LCMT1: variants seen among roughly 807,000 people sequenced by gnomAD.
LCMT1 encodes leucine carboxyl methyltransferase 1, also known as [Phosphatase 2A protein]-leucine-carboxy methyltransferase 1.
LCMT1 carries 32 observed loss-of-function variants against 47.7 expected under a neutral mutation model. The ratio of observed to expected loss-of-function variants is 0.67; its 90% CI spans 0.51 to 0.90. The LOEUF is 0.90. LCMT1 is among the 40% of genes least tolerant of loss of function. LCMT1 has a pLI of 0.00. For synonymous variants in LCMT1, 152 were observed against 149.7 expected, an observed-to-expected ratio of 1.02 and a Z score of -0.11; for missense variants, 375 against 415.2, an observed-to-expected ratio of 0.90 and a Z score of 0.84.
Position 25,169,165 on chromosome 16 carries a change from C to A in LCMT1, c.744C>A (p.Arg248=), listed in dbSNP as rs769159123. 6.2e-7 allele frequency: 1 copy of A among 1,613,606 alleles called. No individual in the cohort carries two copies. The highest frequency in any genetic ancestry group is 1.1e-5 in the South Asian group (1 of 91,072). ...GQIMIENLRR[R]QCDLAGVETC... ...TCATGATTGAAAACCTGCGGAGACG[C>A]CAGTGTGACCTGGCGGGAGTGGAGA... Residue 248 remains arginine (R), a synonymous_variant, in exon 8 of 11, where the codon CGC becomes CGA. Transcript: ENST00000399069.
chr16:25,164,789 T>A, intron 7 of LCMT1, 71 bp downstream of exon 7: 1 of 1,594,250 alleles, frequency 6.3e-7, no homozygotes, highest in Non-Finnish European at 8.6e-7. Context: ...CCAGCACCCT[T>A]AGGATAACTT....
intron 8 of LCMT1, 88 bp from the exon 9 acceptor site, chr16:25,170,626 T>C (rs899113532): frequency 2.9e-6 from 3 of 1,042,046 alleles, no homozygotes; most frequent in Non-Finnish European, 4.4e-6. Flanking sequence ...TGAGACCTTG[T>C]CTCTTTAAAA....
chr16:25,137,093 T>G (rs1303500588), intron 3 of LCMT1, among the ~76,000 whole-genome samples: 1 of 152,132 alleles, frequency 6.6e-6, no homozygotes, highest in Non-Finnish European at 1.5e-5. Flanking sequence ...TTGTAGAAAT[T>G]GAAATTCCTA....
rs34311865 is a variant in LCMT1, at chr16:25,132,858, C to CTTTTTTTTTTT, written c.327+342_327+352dup. Among the ~76,000 whole-genome samples the CTTTTTTTTTTT allele has an allele frequency of 5.8e-3, 820 of 140,422 alleles. 17 individuals are homozygous for CTTTTTTTTTTT. Among genetic ancestry groups the CTTTTTTTTTTT allele is most frequent in the African/African-American group, 0.021 (786 of 36,840 alleles). The allele number at this position is 140,422 out of a possible 152,430, so 92.1% of individuals were successfully genotyped here. ...GGAGAGCTCATGCATGCATTTGTAA[C>CTTTTTTTTTTT]TTTTTTTTTTTTTTTTTGAGCCAGA... On this transcript the variant is annotated intron_variant, in intron 3 of 10. Coordinates refer to ENST00000399069, the MANE Select transcript of LCMT1 (RefSeq NM_016309.3).
chr16:25,128,104 T>G (rs1288351177), intron 1 of LCMT1, among the ~76,000 whole-genome samples: 1 of 152,192 alleles, frequency 6.6e-6, no homozygotes, highest in Non-Finnish European at 1.5e-5. Context: ...GCTTTTTCAT[T>G]TAGTGGAATT....
intron 5 of LCMT1, among the ~76,000 whole-genome samples, chr16:25,154,427 AT>A (rs1961176173): frequency 6.7e-6 from 1 of 148,296 alleles, no homozygotes; most frequent in Non-Finnish European, 1.5e-5. Flanking sequence ...TCCTTTTTCC[AT>A]TAGTTTGTAG....
chr16:25,158,859 T>G (rs529251528), intron 5 of LCMT1: 62 of 152,332 alleles, frequency 4.1e-4, no homozygotes, highest in African/African-American at 1.4e-3. Context: ...AGTCATCAAA[T>G]TCTATCATTC....
intron 1 of LCMT1, 26 bp from the exon 2 acceptor site, chr16:25,128,449 C>T (rs1960250967): frequency 1.9e-6 from 3 of 1,551,444 alleles, no homozygotes; most frequent in Non-Finnish European, 8.8e-7. Flanking sequence ...TCTCTACTCA[C>T]CTTCCTCCTT....
chr16:25,146,126 T>A (rs181584818), intron 4 of LCMT1: 42 of 152,390 alleles, frequency 2.8e-4, no homozygotes, highest in African/African-American at 9.9e-4. Context: ...GAAAGTAAAT[T>A]TTCTTACCTT....
At position 25,131,332 on chromosome 16, in the gene LCMT1, T is replaced by C. The variant is rs544009650; in HGVS notation, c.206-1070T>C. Among the ~76,000 whole-genome samples the C allele has an allele frequency of 2.8e-4, 42 of 152,340 alleles. No individual in the cohort carries two copies. In the South Asian group the frequency reaches 8.1e-3, roughly 29 times the overall value. On this transcript the variant is annotated intron_variant, in intron 2 of 10. Transcript: ENST00000399069. ...CCACCCCACGCCCTGGCGGCACCCC[T>C]CTCTTCTACCCTGTATTTGAACCTT... is the stretch of plus-strand genomic sequence containing the variant.
chr16:25,135,442 C>T (rs1237402503), intron 3 of LCMT1, among the ~76,000 whole-genome samples: 1 of 152,158 alleles, frequency 6.6e-6, no homozygotes, highest in Non-Finnish European at 1.5e-5. Flanking sequence ...TGTGCTTCAG[C>T]AGCCATATGA....
At chr16:25,169,342 C>G (rs917781429) in intron 8 of LCMT1, 129 bp downstream of exon 8, 3 of 628,766 alleles carry the variant, frequency 4.8e-6, no homozygotes, top group Non-Finnish European at 5.7e-6. Context: ...GCTGCTGAGC[C>G]TCCATGTGGG....
At chr16:25,134,294 G>A (rs1960441339) in intron 3 of LCMT1, among the ~76,000 whole-genome samples, 1 of 151,976 alleles carries the variant, frequency 6.6e-6, no homozygotes, top group African/African-American at 2.4e-5. Flanking sequence ...ACAGAGTGTG[G>A]GTATTTCTTT....
intron 5 of LCMT1, among the ~76,000 whole-genome samples, chr16:25,158,562 C>G (rs754431623): frequency 4.0e-5 from 6 of 150,404 alleles, no homozygotes; most frequent in Admixed American, 4.0e-4. Context: ...ACCAAGTTAT[C>G]TTTCCCACCA....
At chr16:25,118,108 A>G (rs1273588879) in intron 1 of LCMT1, among the ~76,000 whole-genome samples, 1 of 152,150 alleles carries the variant, frequency 6.6e-6, no homozygotes, top group Non-Finnish European at 1.5e-5. Flanking sequence ...CACTGAAGCC[A>G]GAGGTTTGTA....
intron 5 of LCMT1, among the ~76,000 whole-genome samples, chr16:25,158,583 G>A (rs987014550): frequency 6.6e-6 from 1 of 152,232 alleles, no homozygotes; most frequent in African/African-American, 2.4e-5. Context: ...GCTCTCAGAA[G>A]CATTCCAGAC....
intron 1 of LCMT1, among the ~76,000 whole-genome samples, chr16:25,116,188 G>A (rs547975218): frequency 3.7e-4 from 56 of 152,228 alleles, no homozygotes; most frequent in Non-Finnish European, 6.6e-4. Flanking sequence ...TTTGGGGGAG[G>A]GTCAAGGGAT....
chr16:25,140,555 A>G, intron 4 of LCMT1: 1 of 340,718 alleles, frequency 2.9e-6, no homozygotes, highest in South Asian at 5.3e-5. Flanking sequence ...TACTAGGGAG[A>G]CAGCAGAGGC....
chr16:25,169,350 G>T (rs1444329346), intron 8 of LCMT1, 137 bp downstream of exon 8: 2 of 608,328 alleles, frequency 3.3e-6, no homozygotes, highest in African/African-American at 3.7e-5. Flanking sequence ...GCCTCCATGT[G>T]GGCCGCTAGT....
Sources: gnomAD v4.1 joint callset for allele counts (sites outside exome capture counted in the v4.1 genomes callset) on GRCh38, gnomAD v4.1.1 for gene constraint, MANE v1.5 for transcripts, NCBI Gene and HGNC (gene_info 2026-07-23, HGNC 2026-07-21) for gene names.